Variants in LDB2 observed in about 807,000 individuals in gnomAD.
The protein encoded by LDB2 is LIM domain binding 2.
In LDB2, 12 loss-of-function variants were observed where a neutral mutation model predicts 44.3. That is an observed-to-expected ratio of 0.27 (90% confidence interval 0.17 to 0.44). LDB2 has a LOEUF of 0.44. Ranked by LOEUF, LDB2 falls within the 20% of genes least tolerant of loss-of-function variation. The probability of loss-of-function intolerance (pLI) is 1.00; values close to 1 mark genes in which losing one functional copy is unlikely to be tolerated. For missense variants in LDB2, 344 were observed against 473.5 expected (o/e 0.73, Z 2.54); for synonymous variants, 164 against 174.8 (o/e 0.94, Z 0.49).
At chr4:16,644,972 T>C (rs1222376645) in intron 2 of LDB2, among the ~76,000 whole-genome samples, 1 of 152,196 alleles carries the variant, frequency 6.6e-6, no homozygotes, top group East Asian at 1.9e-4. Context: ...AACTGATATA[T>C]AGACATAAGC....
At chr4:16,760,137 T>C (rs1484169371) in intron 1 of LDB2, among the ~76,000 whole-genome samples, 1 of 152,158 alleles carries the variant, frequency 6.6e-6, no homozygotes, top group Non-Finnish European at 1.5e-5. Flanking sequence ...TATCCCAAAA[T>C]TCTTAAGCAC....
At chr4:16,678,052 T>G (rs1397502118) in intron 2 of LDB2, among the ~76,000 whole-genome samples, 2 of 152,208 alleles carry the variant, frequency 1.3e-5, no homozygotes, top group Admixed American at 1.3e-4. Flanking sequence ...AAGTTCCCAT[T>G]GTCTTAGGAC....
At chr4:16,828,194 G>A (rs182671953) in intron 1 of LDB2, among the ~76,000 whole-genome samples, 221 of 152,214 alleles carry the variant, frequency 1.5e-3, no homozygotes, top group Non-Finnish European at 2.4e-3. Context: ...GCAAACCATC[G>A]TCTTAGGATA....
chr4:16,871,995 A>G (rs1318464274), intron 1 of LDB2, among the ~76,000 whole-genome samples: 2 of 152,222 alleles, frequency 1.3e-5, no homozygotes, highest in Admixed American at 6.5e-5. Context: ...GCAGAAATCA[A>G]TGAAAGCATT....
At chr4:16,859,941 A>G (rs909086536) in intron 1 of LDB2, among the ~76,000 whole-genome samples, 3 of 152,092 alleles carry the variant, frequency 2.0e-5, no homozygotes, top group Non-Finnish European at 2.9e-5. Context: ...TCCAATTTAG[A>G]GACAAGTACT....
At chr4:16,528,139 G>A (rs941046760) in intron 5 of LDB2, among the ~76,000 whole-genome samples, 7 of 152,096 alleles carry the variant, frequency 4.6e-5, no homozygotes, top group South Asian at 2.1e-4. Flanking sequence ...GTTCTCACTC[G>A]TAAGTGGGAG....
At chr4:16,734,664 A>G (rs1761478087) in intron 2 of LDB2, among the ~76,000 whole-genome samples, 1 of 149,248 alleles carries the variant, frequency 6.7e-6, no homozygotes, top group South Asian at 2.1e-4. Context: ...CTCACCAAAG[A>G]TGAGGAAGAG....
intron 5 of LDB2, among the ~76,000 whole-genome samples, chr4:16,573,990 CCA>C (rs1747492481): frequency 6.6e-6 from 1 of 152,190 alleles, no homozygotes; most frequent in South Asian, 2.1e-4. Flanking sequence ...CTGACTTCAG[CCA>C]CACTCATTCT....
chr4:16,746,022 A>G (rs779522322), intron 2 of LDB2, among the ~76,000 whole-genome samples: 5 of 152,134 alleles, frequency 3.3e-5, no homozygotes, highest in African/African-American at 4.8e-5. Flanking sequence ...CTAATGATCA[A>G]TCTGACACCT....
At chr4:16,849,278 C>T (rs753977260) in intron 1 of LDB2, among the ~76,000 whole-genome samples, 1 of 152,150 alleles carries the variant, frequency 6.6e-6, no homozygotes, top group Non-Finnish European at 1.5e-5. Flanking sequence ...TCTGTGACCA[C>T]CCCAACTAAA....
At chr4:16,559,365 GGAA>G (rs1741126127) in intron 5 of LDB2, among the ~76,000 whole-genome samples, 1 of 152,114 alleles carries the variant, frequency 6.6e-6, no homozygotes, top group South Asian at 2.1e-4. Flanking sequence ...AAAGGATGGA[GGAA>G]GATCTACCAA....
chr4:16,839,619 G>C (rs1254201649), intron 1 of LDB2, among the ~76,000 whole-genome samples: 1 of 152,132 alleles, frequency 6.6e-6, no homozygotes, highest in Non-Finnish European at 1.5e-5. Context: ...CCCAAGTTAA[G>C]TAATCTGTCA....
At chr4:16,897,937 T>TAC (rs1250046202) in intron 1 of LDB2, among the ~76,000 whole-genome samples, 4 of 19,050 alleles carry the variant, frequency 2.1e-4, no homozygotes, top group African/African-American at 3.8e-4. Context: ...TATATATATA[T>TAC]ACACATATGT....
At chr4:16,581,279 T>G in intron 5 of LDB2, 116 of 292,870 alleles carry the variant, frequency 4.0e-4, no homozygotes, top group Non-Finnish European at 5.4e-4. Flanking sequence ...ATTTCACAGA[T>G]GAGAAAATGA....
At chr4:16,849,955 C>A (rs74528738) in intron 1 of LDB2, among the ~76,000 whole-genome samples, 327 of 152,290 alleles carry the variant, frequency 2.1e-3, no homozygotes, top group African/African-American at 6.9e-3. Context: ...AGTAGGCATA[C>A]TTTTAACAAT....
chr4:16,826,331 T>C (rs1783066122), intron 1 of LDB2: 5 of 152,220 alleles, frequency 3.3e-5, no homozygotes, highest in Admixed American at 1.3e-4. Flanking sequence ...ACCTTCCAAG[T>C]CATATTTATT....
At chr4:16,863,395 C>T (rs1172378570) in intron 1 of LDB2, among the ~76,000 whole-genome samples, 2 of 152,116 alleles carry the variant, frequency 1.3e-5, no homozygotes, top group Non-Finnish European at 2.9e-5. Context: ...ATGGTTTGAG[C>T]CAGGGAATTT....
At position 16,807,608 on chromosome 4, in the gene LDB2, A is replaced by G. The variant is rs569784805; in HGVS notation, c.133-48348T>C. ...GATCATTGGCTGCTTACAGCTAATG[A>G]GCTATTTCATTTGCTATACTGCAGA... On this transcript the variant is annotated intron_variant, in intron 1 of 7. Transcript: ENST00000304523. Among the ~76,000 whole-genome samples the G allele has an allele frequency of 6.6e-5, 10 of 152,320 alleles. No individual in the cohort carries two copies. The South Asian group carries it at 2.1e-3, about 32-fold the overall frequency.
intron 2 of LDB2, chr4:16,626,947 C>A (rs1292132220): frequency 2.0e-5 from 3 of 152,176 alleles, no homozygotes; most frequent in Non-Finnish European, 2.9e-5. Context: ...GGACTATAGA[C>A]AAAGGATTCT....
Sources: gnomAD v4.1 joint callset for allele counts (sites outside exome capture counted in the v4.1 genomes callset) on GRCh38, gnomAD v4.1.1 for gene constraint, MANE v1.5 for transcripts, NCBI Gene and HGNC (gene_info 2026-07-23, HGNC 2026-07-21) for gene names.